KLF17: variants seen among roughly 807,000 people sequenced by gnomAD.
The protein encoded by KLF17 is Krueppel-like factor 17.
Under a neutral mutation model 34.2 loss-of-function variants are expected in KLF17, and 31 were observed. That is an observed-to-expected ratio of 0.91 (90% CI 0.68 to 1.22). KLF17 has a LOEUF of 1.22. Among genes scored for constraint, KLF17 ranks in the 50% most tolerant of loss-of-function variants. The pLI is 0.00. For synonymous variants in KLF17, 179 were observed against 186.7 expected (o/e 0.96, Z 0.34); for missense variants, 478 against 505.2 (o/e 0.95, Z 0.52).
chr1:44,122,101 C>T (rs887561395), intron 1 of KLF17: 24 of 1,172,414 alleles, frequency 2.0e-5, no homozygotes, highest in Non-Finnish European at 3.0e-5. Flanking sequence ...ACAACCTGTA[C>T]AAAAAATATC....
At position 44,131,207 on chromosome 1, in the gene KLF17, G is replaced by A. The variant is rs140859065; in HGVS notation, c.*451G>A. 2.6e-5 allele frequency among the ~76,000 whole-genome samples: 4 copies of A among 152,180 alleles called. No homozygotes were observed. The East Asian group carries it at 5.8e-4, about 22-fold the overall frequency. On this transcript the variant is annotated intron_variant, in intron 3 of 3. Transcript: ENST00000372299. ...TATGGGTCAGTGTTGAAGCCTACAC[G>A]GAGCTCTGGAGCCAGAGACTCCTCA...
At chr1:44,085,889 A>T in the KLF17 span, among the ~76,000 whole-genome samples, 1 of 149,318 alleles carries the variant, frequency 6.7e-6, no homozygotes, top group Non-Finnish European at 1.5e-5. Context: ...GGTCTGGGAG[A>T]TGTGGAGGAA....
At chr1:44,085,807 CAAAAA>C in the KLF17 span, among the ~76,000 whole-genome samples, 158 of 63,614 alleles carry the variant, frequency 2.5e-3, no homozygotes, top group African/African-American at 8.7e-3. Flanking sequence ...TCTGTCTCAA[CAAAAA>C]AAAAAAAAAA....
chr1:44,097,522 A>G, the KLF17 span, among the ~76,000 whole-genome samples: 1 of 152,176 alleles, frequency 6.6e-6, no homozygotes. Flanking sequence ...GCAAACCACC[A>G]TGGCACGTGT....
chr1:44,113,425 G>A, the KLF17 span, among the ~76,000 whole-genome samples: 1 of 152,198 alleles, frequency 6.6e-6, no homozygotes, highest in African/African-American at 2.4e-5. Flanking sequence ...TACAGTTACT[G>A]ATGTAGTTCT....
the KLF17 span, among the ~76,000 whole-genome samples, chr1:44,056,544 A>G: frequency 5.3e-5 from 8 of 152,352 alleles, no homozygotes; most frequent in African/African-American, 1.9e-4. Context: ...ACCTGCTAAC[A>G]GGCATTCTTA....
At chr1:44,116,730 G>A (rs146003580), upstream of KLF17, among the ~76,000 whole-genome samples, 172 of 152,110 alleles carry the variant, frequency 1.1e-3, no homozygotes, top group Non-Finnish European at 2.0e-3. Context: ...TGTTCTGCTG[G>A]GCCTTAAATG....
At chr1:44,114,237 T>C (rs549700275), upstream of KLF17, 8 of 152,346 alleles carry the variant, frequency 5.3e-5, no homozygotes, top group African/African-American at 1.9e-4. Flanking sequence ...TCTGAGGTGC[T>C]GGTTGCTAAT....
the KLF17 span, among the ~76,000 whole-genome samples, chr1:44,062,632 G>A: frequency 2.0e-5 from 3 of 151,106 alleles, no homozygotes; most frequent in Middle Eastern, 3.4e-3. Context: ...GAGGTGATAC[G>A]AGGAGGCCAG....
At chr1:44,130,374 A>G (rs2088093176) in intron 2 of KLF17, 138 bp from the exon 3 acceptor site, 1 of 1,375,962 alleles carries the variant, frequency 7.3e-7, no homozygotes, top group Admixed American at 1.8e-5. Flanking sequence ...TGGGGCGGGC[A>G]CTCCTGATTG....
chr1:44,078,409 C>T, the KLF17 span, among the ~76,000 whole-genome samples: 2 of 150,866 alleles, frequency 1.3e-5, no homozygotes, highest in South Asian at 4.2e-4. Flanking sequence ...AGGGGCTCCT[C>T]TTCCCGGTTC....
chr1:44,103,698 AG>A, the KLF17 span: 1 of 1,591,104 alleles, frequency 6.3e-7, no homozygotes, highest in Non-Finnish European at 8.6e-7. Flanking sequence ...GGCCGGCTGG[AG>A]GGCGGCCTCC....
At chr1:44,088,019 G>T in the KLF17 span, 1 of 218,058 alleles carries the variant, frequency 4.6e-6, no homozygotes, top group South Asian at 8.1e-5. Flanking sequence ...ACTCAGACAG[G>T]ACAAAGCTGA....
At chr1:44,103,816 T>C in the KLF17 span, 1 of 828,240 alleles carries the variant, frequency 1.2e-6, no homozygotes, top group Non-Finnish European at 2.1e-6. Flanking sequence ...AGGCACTCAG[T>C]CTCAGCCTGG....
chr1:44,095,324 T>C, the KLF17 span, among the ~76,000 whole-genome samples: 1 of 151,632 alleles, frequency 6.6e-6, no homozygotes, highest in Non-Finnish European at 1.5e-5. Context: ...CAAGTGATTC[T>C]CCTGCCTCAG....
chr1:44,117,558 C>T (rs1637284), upstream of KLF17, among the ~76,000 whole-genome samples: 1,530 of 151,430 alleles, frequency 0.01, 14 homozygotes, highest in Non-Finnish European at 0.016. Context: ...TGCAATGGCG[C>T]GATCTCGACA....
At chr1:44,128,627 C>G (rs184215802) in intron 1 of KLF17, among the ~76,000 whole-genome samples, 8 of 152,318 alleles carry the variant, frequency 5.3e-5, no homozygotes, top group Admixed American at 3.9e-4. Flanking sequence ...AAAGCCGAGA[C>G]CCATCTGCAG....
the KLF17 span, chr1:44,076,104 C>G: frequency 6.6e-6 from 1 of 152,326 alleles, no homozygotes; most frequent in East Asian, 1.9e-4. Context: ...CCAAACTGCA[C>G]CTGGTCACCT....
chr1:44,064,153 G>A, the KLF17 span, among the ~76,000 whole-genome samples: 1 of 152,118 alleles, frequency 6.6e-6, no homozygotes, highest in African/African-American at 2.4e-5. Context: ...GGGAAACAAG[G>A]AAGGCATAAT....
Sources: gnomAD v4.1 joint callset for allele counts (sites outside exome capture counted in the v4.1 genomes callset) on GRCh38, gnomAD v4.1.1 for gene constraint, MANE v1.5 for transcripts, NCBI Gene and HGNC (gene_info 2026-07-23, HGNC 2026-07-21) for gene names.